GALK1: variants seen among roughly 807,000 people sequenced by gnomAD.
GALK1 encodes the protein galactokinase 1.
Under a neutral mutation model 38.6 loss-of-function variants are expected in GALK1, and 30 were observed. The ratio of observed to expected loss-of-function variants is 0.78; its 90% CI spans 0.58 to 1.05. The LOEUF (loss-of-function observed/expected upper bound fraction) is 1.05. GALK1 is among the 50% of genes least tolerant of loss of function. GALK1 has a pLI of 0.00. For missense variants in GALK1, 512 were observed against 540.5 expected (o/e 0.95, Z 0.52); for synonymous variants, 240 against 233.6 (o/e 1.03, Z -0.25).
rs768552200 is a variant in GALK1 at position 75,764,096 on chromosome 17, G to C, written c.166-10C>G. On this transcript the variant is annotated splice_polypyrimidine_tract_variant and intron_variant, in intron 1 of 7. Coordinates refer to ENST00000588479, the MANE Select transcript of GALK1 (RefSeq NM_000154.2). ...TCATGAGCTCCAGAGCCTGGCAGGA[G>C]AGACAAGCAGTACGTGAGGCTTCCG... The C allele has an allele frequency of 1.3e-6, 2 of 1,568,636 alleles. No homozygotes were observed. Among genetic ancestry groups the C allele is most frequent in the South Asian group, 1.1e-5 (1 of 87,120 alleles).
intron 2 of GALK1, 82 bp from the exon 3 acceptor site, chr17:75,763,521 G>A: frequency 2.8e-6 from 4 of 1,434,750 alleles, no homozygotes; most frequent in South Asian, 2.4e-5. Context: ...GGCGGGAAGG[G>A]CAGCAACGGC....
chr17:75,764,054 G>A lies in GALK1; in HGVS notation c.198C>T (p.Ser66=). ...ALELMTVLVG[S]PRKDGLVSLL... ...GAGACACCAGCCCATCCTTGCGGGG[G>A]CTGCCCACCAGCACCGTCATGAGCT... Residue 66 remains serine, a synonymous_variant, in exon 2 of 8, where the codon AGC becomes AGT. Transcript: ENST00000588479. 2 of 1,594,528 alleles carry A rather than the reference G, an allele frequency of 1.3e-6. No individual in the cohort carries two copies. The highest frequency in any genetic ancestry group is 1.7e-6 in the Non-Finnish European group (2 of 1,172,860).
chr17:75,762,974 T>A lies in GALK1; in HGVS notation c.611+40A>T, dbSNP rs569457915. 16 of 1,612,076 alleles carry A rather than the reference T, an allele frequency of 9.9e-6. No homozygotes were observed. In the African/African-American group the frequency reaches 2.0e-4, roughly 20 times the overall value. ...GGGCACACTCCCACCCAGGAGCTGC[T>A]GAGTGCAGGGCGGGAGGGGACGAGG... On this transcript the variant is annotated intron_variant, in intron 4 of 7. Coordinates refer to ENST00000588479, the MANE Select transcript of GALK1 (RefSeq NM_000154.2).
chr17:75,753,956 A>G, downstream of GALK1: 2 of 1,265,166 alleles, frequency 1.6e-6, no homozygotes, highest in Non-Finnish European at 2.0e-6. Context: ...CCGCAGTGCG[A>G]CACCCGGGCC....
chr17:75,755,575 G>A, downstream of GALK1: 1 of 1,224,082 alleles, frequency 8.2e-7, no homozygotes, highest in Non-Finnish European at 1.2e-6. Flanking sequence ...CAGGGTGAGT[G>A]AGTTGTCCAG....
intron 8 of GALK1, chr17:75,752,710 A>G (rs2061397496): frequency 5.3e-6 from 6 of 1,138,138 alleles, no homozygotes; most frequent in African/African-American, 4.6e-5. Context: ...GACAAATGCA[A>G]TGGAGTGCAC....
intron 2 of GALK1, 21 bp downstream of exon 2, chr17:75,763,876 G>T: frequency 6.2e-7 from 1 of 1,610,564 alleles, no homozygotes; most frequent in Non-Finnish European, 8.5e-7. Flanking sequence ...TGAGGACTTG[G>T]CTCAGGCCTG....
downstream of GALK1, chr17:75,755,758 T>C (rs929000857): frequency 2.5e-6 from 4 of 1,612,730 alleles, no homozygotes; most frequent in Non-Finnish European, 3.4e-6. Context: ...TTCTCTGCCC[T>C]GGGGCCCACA....
At chr17:75,753,907 G>A (rs994701306), downstream of GALK1, 38 of 1,290,132 alleles carry the variant, frequency 2.9e-5, no homozygotes, top group Non-Finnish European at 3.5e-5. Flanking sequence ...ACGGGCCCCC[G>A]GACGACGGCG....
downstream of GALK1, chr17:75,757,369 G>A (rs772185592): frequency 8.4e-5 from 135 of 1,612,798 alleles, no homozygotes; most frequent in Admixed American, 2.2e-3. Context: ...AGCAGAGGGA[G>A]AAGGGCAGAC....
chr17:75,765,088 G>C lies in GALK1; in HGVS notation c.49C>G (p.Arg17Gly), dbSNP rs769385699. ...CCGAACTCCTCCCGGAAGGCTCGCCGGGCCTCGGCCAGCAGCTCCGCGACC... is the reference window on the plus strand; with the variant it reads ...CCGAACTCCTCCCGGAAGGCTCGCCCGGCCTCGGCCAGCAGCTCCGCGACC... ...PQVAELLAEA[R>G]RAFREEFGAE... Residue 17 changes from arginine (R) to glycine (G), a missense_variant, in exon 1 of 8, where the codon CGG becomes GGG. Transcript: ENST00000588479. 3.8e-6 allele frequency: 6 copies of C among 1,593,538 alleles called. No homozygotes were observed. Among genetic ancestry groups the C allele is most frequent in the African/African-American group, 2.7e-5 (2 of 74,500 alleles).
At chr17:75,757,077 G>C (rs1182343771), downstream of GALK1, 6 of 1,612,904 alleles carry the variant, frequency 3.7e-6, no homozygotes, top group Non-Finnish European at 5.1e-6. Context: ...AGAGCGCGAG[G>C]GCATCATCAC....
chr17:75,752,404 G>A, intron 8 of GALK1: 1 of 1,612,838 alleles, frequency 6.2e-7, no homozygotes. Flanking sequence ...AGGGGGGCAG[G>A]GGGCAGCAGC....
intron 5 of GALK1, among the ~76,000 whole-genome samples, chr17:75,761,815 T>G (rs2143599322): frequency 6.7e-6 from 1 of 149,710 alleles, no homozygotes; most frequent in East Asian, 2.0e-4. Context: ...GTCAGGCGTT[T>G]GAGACCAGCC....
At position 75,762,826 on chromosome 17, in the gene GALK1, T is replaced by C. The variant is rs2061593117; in HGVS notation, c.671A>G (p.Asn224Ser). 1.2e-6 allele frequency: 2 copies of C among 1,613,232 alleles called. No homozygotes were observed. Among genetic ancestry groups the C allele is most frequent in the East Asian group, 2.2e-5 (1 of 44,846 alleles). The change falls in exon 5 of 8, where the codon AAC becomes AGC. Residue 224 changes from asparagine to serine, a missense_variant. Asn to Ser is a conservative substitution (Grantham distance 46). Coordinates refer to ENST00000588479, the MANE Select transcript of GALK1 (RefSeq NM_000154.2). Reference protein sequence around the residue: ...SDPKLAVLITNSNVRHSLASS... With the variant: ...SDPKLAVLITSSNVRHSLASS... ...GGCCAGGGAGTGGCGGACATTAGAG[T>C]TGGTGATGAGCACGGCCAGCTTGGG...
chr17:75,763,384 AC>A lies in GALK1; in HGVS notation c.410del (p.Gly137ValfsTer27), dbSNP rs767329054. On this transcript the variant is annotated frameshift_variant, in exon 3 of 8. Coordinates refer to ENST00000588479, the MANE Select transcript of GALK1 (RefSeq NM_000154.2). LOFTEE classifies it high-confidence loss of function. ...CCAAGGATGCTGAGCTGGACAGGCC[AC>A]CCCCCAGGGGCACTGAGCTGACCAC... ...AVVVSSVPLG[G>X]GLSSSASLEV... 2.5e-6 allele frequency: 4 copies of A among 1,612,902 alleles called. No individual in the cohort carries two copies. In the South Asian group the frequency reaches 4.4e-5, roughly 18 times the overall value.
At chr17:75,762,585 C>T in intron 5 of GALK1, 119 bp downstream of exon 5, 2 of 1,081,934 alleles carry the variant, frequency 1.8e-6, no homozygotes, top group East Asian at 2.4e-5. Flanking sequence ...TTTGAAGGGA[C>T]TGGGGAGAGC....
chr17:75,754,895 C>A, downstream of GALK1: 1 of 1,592,004 alleles, frequency 6.3e-7, no homozygotes, highest in African/African-American at 1.3e-5. Flanking sequence ...CTTCTGTCTG[C>A]TGTCCCCACC....
chr17:75,764,295 G>C (rs763301071), intron 1 of GALK1: 108 of 756,992 alleles, frequency 1.4e-4, no homozygotes, highest in Non-Finnish European at 2.1e-4. Context: ...GGCGGCTGCA[G>C]CTGGAGCACA....
Sources: gnomAD v4.1 joint callset for allele counts (sites outside exome capture counted in the v4.1 genomes callset) on GRCh38, gnomAD v4.1.1 for gene constraint, MANE v1.5 for transcripts, NCBI Gene and HGNC (gene_info 2026-07-23, HGNC 2026-07-21) for gene names.